ZAR1: variants seen among roughly 807,000 people sequenced by gnomAD.
ZAR1 encodes the protein zygote arrest protein 1.
In ZAR1, 37 loss-of-function variants were observed where a neutral mutation model predicts 38.3. The ratio of observed to expected loss-of-function variants is 0.97; its 90% CI spans 0.74 to 1.27. The LOEUF (loss-of-function observed/expected upper bound fraction) is 1.27. Ranked by LOEUF, ZAR1 falls within the 50% of genes most tolerant of loss-of-function variation. The pLI, the probability that ZAR1 is intolerant of heterozygous loss-of-function variation, is 0.00. For synonymous variants in ZAR1, 336 were observed against 292.0 expected, an observed-to-expected ratio of 1.15 and a Z score of -1.53; for missense variants, 651 against 632.4, an observed-to-expected ratio of 1.03 and a Z score of -0.32.
In ZAR1 at chr4:48,491,184, A is replaced by T; in HGVS notation, c.893A>T (p.Glu298Val). 8.1e-7 allele frequency: 1 copy of T among 1,234,388 alleles called. No individual in the cohort carries two copies. The highest frequency in any genetic ancestry group is 1.0e-6 in the Non-Finnish European group (1 of 989,696). 76.5% of individuals were successfully genotyped at this position (1,234,388 alleles called of 1,614,324 possible). ...GRARDGGDGREAAVAGEGPSP... is the reference protein window; with the variant it reads ...GRARDGGDGRVAAVAGEGPSP... Reference sequence around the variant, plus strand: ...GCCCGAGACGGCGGCGACGGACGGGAGGCGGCCGTCGCGGGAGAGGGGCCG... The same window carrying T: ...GCCCGAGACGGCGGCGACGGACGGGTGGCGGCCGTCGCGGGAGAGGGGCCG... Residue 298 changes from glutamate (E) to valine (V), a missense_variant, in exon 1 of 4, where the codon GAG (glutamate) becomes GTG (valine). Around this residue, in one of 2 missense-constraint regions of ZAR1, gnomAD observed 129 missense variants for 172.5 expected, o/e 0.75. Coordinates refer to ENST00000327939, the MANE Select transcript of ZAR1 (RefSeq NM_175619.3).
At position 48,490,375 on chromosome 4, in the gene ZAR1, G is replaced by A. The variant is rs939433292; in HGVS notation, c.84G>A (p.Ala28=). ...GCTCGTACCGGTACCCATACCCCGC[G>A]GCCACCAAGGGCAAGGGCGCGGCGG... The part of the protein sequence containing the change: ...PPCSYRYPYP[A]ATKGKGAAGG... Residue 28 remains alanine (A), a synonymous_variant, in exon 1 of 4, where the codon GCG becomes GCA. Transcript: ENST00000327939. The A allele has an allele frequency of 6.0e-6, 9 of 1,503,582 alleles. No individual in the cohort carries two copies. In the Admixed American group the frequency reaches 6.4e-5, roughly 11 times the overall value. The allele number at this position is 1,503,582 out of a possible 1,614,324, so 93.1% of individuals were successfully genotyped here.
rs563410624 is a variant in ZAR1 at position 48,490,566 on chromosome 4, C to T, written c.275C>T (p.Pro92Leu). The change falls in exon 1 of 4, where the codon CCG becomes CTG. Residue 92 changes from proline (P) to leucine (L), a missense_variant. By Grantham distance (98) the Pro-to-Leu change is moderately conservative. Transcript: ENST00000327939. Reference protein sequence around the residue: ...RLMALLAQVGPGLGPRARRAG... With the variant: ...RLMALLAQVGLGLGPRARRAG... ...ATGGCTCTCCTGGCGCAGGTGGGGC[C>T]GGGTCTCGGGCCGCGCGCCCGCAGG... is the stretch of plus-strand genomic sequence containing the variant. 5 of 1,421,688 alleles carry T rather than the reference C, an allele frequency of 3.5e-6. No individual in the cohort carries two copies. Among genetic ancestry groups the T allele is most frequent in the African/African-American group, 1.5e-5 (1 of 66,558 alleles). 88.1% of individuals were successfully genotyped at this position (1,421,688 alleles called of 1,614,324 possible).
rs1560482021 is a variant in ZAR1, at chr4:48,490,505, G to C, written c.214G>C (p.Ala72Pro). The change falls in exon 1 of 4, where the codon GCC becomes CCC. Residue 72 changes from alanine to proline, a missense_variant. Transcript: ENST00000327939. ...SFPGCGRLTA[A>P]EYFDSYQRER... ...CCCGGGCTGCGGGCGGCTGACGGCC[G>C]CCGAGTACTTCGACAGCTACCAGCG... The C allele has an allele frequency of 6.8e-7, 1 of 1,472,350 alleles. No individual in the cohort carries two copies. The highest frequency in any genetic ancestry group is 8.9e-7 in the Non-Finnish European group (1 of 1,120,752). 91.2% of individuals were successfully genotyped at this position (1,472,350 alleles called of 1,614,324 possible). A position where few individuals can be genotyped will look rare whatever the true frequency, so the allele number is the denominator to read the frequency against.
At position 48,493,030 on chromosome 4, in the gene ZAR1, C is replaced by T. The variant is rs761462675; in HGVS notation, c.1131+18C>T. The T allele has an allele frequency of 3.1e-6, 5 of 1,613,222 alleles. No homozygotes were observed. The highest frequency in any genetic ancestry group is 4.2e-6 in the Non-Finnish European group (5 of 1,179,200). On this transcript the variant is annotated intron_variant, in intron 3 of 3. Transcript: ENST00000327939. ...CCTGTCAAGTAAATCAGATGTTTTG[C>T]ATTTTGTCTGACCTGGGCAGTCGTC...
At position 48,490,477 on chromosome 4, in the gene ZAR1, C is replaced by A. The variant is rs774627867; in HGVS notation, c.186C>A (p.Ser62=). 2 of 1,468,972 alleles carry A rather than the reference C, an allele frequency of 1.4e-6. No homozygotes were observed. Among genetic ancestry groups the A allele is most frequent in the Non-Finnish European group, 8.9e-7 (1 of 1,119,676 alleles). The allele number at this position is 1,468,972 out of a possible 1,614,324, so 91.0% of individuals were successfully genotyped here. A position where few individuals can be genotyped will look rare whatever the true frequency, so the allele number is the denominator to read the frequency against. The change falls in exon 1 of 4, where the codon TCC becomes TCA. Residue 62 remains serine, a synonymous_variant. Coordinates refer to ENST00000327939, the MANE Select transcript of ZAR1 (RefSeq NM_175619.3). ...SPCSAGAASL[S]FPGCGRLTAA... ...GCTCGGCGGGCGCGGCCTCGTTGTCCTTCCCGGGCTGCGGGCGGCTGACGG... is the reference window on the plus strand; with the variant it reads ...GCTCGGCGGGCGCGGCCTCGTTGTCATTCCCGGGCTGCGGGCGGCTGACGG...
At position 48,490,563 on chromosome 4, in the gene ZAR1, G is replaced by A. The variant is rs1718396721; in HGVS notation, c.272G>A (p.Gly91Glu). 13 of 1,427,344 alleles carry A rather than the reference G, an allele frequency of 9.1e-6. No individual in the cohort carries two copies. Among genetic ancestry groups the A allele is most frequent in the Admixed American group, 3.2e-5 (1 of 31,616 alleles). 88.4% of individuals were successfully genotyped at this position (1,427,344 alleles called of 1,614,324 possible). A position where few individuals can be genotyped will look rare whatever the true frequency, so the allele number is the denominator to read the frequency against. ...ERLMALLAQV[G>E]PGLGPRARRA... ...CTCATGGCTCTCCTGGCGCAGGTGG[G>A]GCCGGGTCTCGGGCCGCGCGCCCGC... is the stretch of plus-strand genomic sequence containing the variant. Residue 91 changes from glycine to glutamate, a missense_variant, in exon 1 of 4, where the codon GGG becomes GAG. This residue lies in a region of ZAR1 where 522 missense variants were observed against 459.9 expected (regional missense o/e 1.14). Coordinates refer to ENST00000327939, the MANE Select transcript of ZAR1 (RefSeq NM_175619.3).
rs1718519978 is a variant in ZAR1, at chr4:48,494,110, C to T, written c.1141C>T (p.Gln381Ter). ...TATTTTTTTCCCCCAGAGTTGTAAACAAACGAGATGTTCCTGCCCAGTAAA... is the reference window on the plus strand; with the variant it reads ...TATTTTTTTCCCCCAGAGTTGTAAATAAACGAGATGTTCCTGCCCAGTAAA... ...VEDITCQSCKQTRCSCPVKLR... is the reference protein window; with the variant it reads ...VEDITCQSCK The change falls in exon 4 of 4, where the codon CAA (glutamine) becomes TAA (stop). Residue 381 changes from glutamine to a stop codon, truncating the protein, a stop_gained. Coordinates refer to ENST00000327939, the MANE Select transcript of ZAR1 (RefSeq NM_175619.3). LOFTEE classifies it high-confidence loss of function. The T allele has an allele frequency of 6.2e-7, 1 of 1,613,042 alleles. No homozygotes were observed. Among genetic ancestry groups the T allele is most frequent in the Admixed American group, 1.7e-5 (1 of 59,914 alleles).
chr4:48,494,842 A>G (rs1577775159), downstream of ZAR1, among the ~76,000 whole-genome samples: 6 of 152,266 alleles, frequency 3.9e-5, 1 homozygote, highest in African/African-American at 1.4e-4. Flanking sequence ...TTTAGTGTCC[A>G]GGTGACCTTA....
In ZAR1 at chr4:48,492,866, A is replaced by T; in HGVS notation, c.1056+8A>T. ...GTACAGGGAACTAACAAGGTAAGAA[A>T]TACCAGGTAACTGGCATCTTCTTGC... On this transcript the variant is annotated splice_region_variant and intron_variant, in intron 2 of 3. Transcript: ENST00000327939. 6.2e-7 allele frequency: 1 copy of T among 1,614,130 alleles called. No homozygotes were observed. Among genetic ancestry groups the T allele is most frequent in the Non-Finnish European group, 8.5e-7 (1 of 1,179,964 alleles).
At chr4:48,491,365 G>A in intron 1 of ZAR1, 111 bp downstream of exon 1, 3 of 858,000 alleles carry the variant, frequency 3.5e-6, no homozygotes, top group Non-Finnish European at 4.6e-6. Flanking sequence ...TTCCCTAAGC[G>A]TGGGCTACTT....
At chr4:48,497,414 TAAAC>T (rs1409285565), downstream of ZAR1, 1 of 152,554 alleles carries the variant, frequency 6.6e-6, no homozygotes, top group African/African-American at 2.4e-5. Context: ...TACATATAAA[TAAAC>T]ACAAAAAGCA....
At chr4:48,492,500 A>G (rs912119572) in intron 1 of ZAR1, among the ~76,000 whole-genome samples, 1 of 152,186 alleles carries the variant, frequency 6.6e-6, no homozygotes, top group African/African-American at 2.4e-5. Context: ...ACTGTTTATT[A>G]TGTCCCTACT....
In ZAR1 at chr4:48,490,408, C is replaced by T; in HGVS notation, c.117C>T (p.Ser39=). ...AGGGCAAGGGCGCGGCGGGCGGCAG[C>T]TGGCAGCAGCGCGGCAGGGGCTGCC... ...ATKGKGAAGG[S]WQQRGRGCLP... Residue 39 remains serine (S), a synonymous_variant, in exon 1 of 4, where the codon AGC becomes AGT. Transcript: ENST00000327939. 6.7e-7 allele frequency: 1 copy of T among 1,490,676 alleles called. No individual in the cohort carries two copies. The highest frequency in any genetic ancestry group is 8.9e-7 in the Non-Finnish European group (1 of 1,124,266). 92.3% of individuals were successfully genotyped at this position (1,490,676 alleles called of 1,614,324 possible). A position where few individuals can be genotyped will look rare whatever the true frequency, so the allele number is the denominator to read the frequency against.
intron 3 of ZAR1, 43 bp downstream of exon 3, chr4:48,493,055 C>T (rs1204621613): frequency 2.5e-6 from 4 of 1,592,696 alleles, no homozygotes; most frequent in Non-Finnish European, 1.7e-6. Flanking sequence ...GGGCAGTCGT[C>T]GAGGGTTTTT....
chr4:48,490,508 G>A lies in ZAR1; in HGVS notation c.217G>A (p.Glu73Lys), dbSNP rs1718394881. 4.1e-6 allele frequency: 6 copies of A among 1,473,632 alleles called. No individual in the cohort carries two copies. The highest frequency in any genetic ancestry group is 5.4e-6 in the Non-Finnish European group (6 of 1,121,490). The allele number at this position is 1,473,632 out of a possible 1,614,324, so 91.3% of individuals were successfully genotyped here. ...FPGCGRLTAAEYFDSYQRERL... is the reference protein window; with the variant it reads ...FPGCGRLTAAKYFDSYQRERL... ...GGGCTGCGGGCGGCTGACGGCCGCC[G>A]AGTACTTCGACAGCTACCAGCGGGA... Residue 73 changes from glutamate to lysine, a missense_variant, in exon 1 of 4, where the codon GAG becomes AAG. This residue lies in a region of ZAR1 where 522 missense variants were observed against 459.9 expected (regional missense o/e 1.14). Coordinates refer to ENST00000327939, the MANE Select transcript of ZAR1 (RefSeq NM_175619.3).
Position 48,490,692 on chromosome 4 carries a change from C to T in ZAR1, c.401C>T (p.Pro134Leu). ...RRTLQRRARD[P>L]ESPAGPGAEG... ...ACGCTGCAGCGCCGGGCCCGCGACC[C>T]CGAGTCCCCGGCCGGCCCCGGGGCC... Residue 134 changes from proline (P) to leucine (L), a missense_variant, in exon 1 of 4, where the codon CCC becomes CTC. Transcript: ENST00000327939. 1 of 1,316,692 alleles carries T rather than the reference C, an allele frequency of 7.6e-7. No individual in the cohort carries two copies. The highest frequency in any genetic ancestry group is 9.6e-7 in the Non-Finnish European group (1 of 1,037,878). The allele number at this position is 1,316,692 out of a possible 1,614,324, so 81.6% of individuals were successfully genotyped here. A position where few individuals can be genotyped will look rare whatever the true frequency, so the allele number is the denominator to read the frequency against.
chr4:48,494,015 C>A (rs1718515927), intron 3 of ZAR1, 86 bp from the exon 4 acceptor site: 2 of 1,498,950 alleles, frequency 1.3e-6, no homozygotes, highest in South Asian at 2.5e-5. Flanking sequence ...TCATTAAGTA[C>A]TTGAATGGAC....
At chr4:48,495,209 G>A (rs1357789882), downstream of ZAR1, among the ~76,000 whole-genome samples, 1 of 152,152 alleles carries the variant, frequency 6.6e-6, no homozygotes, top group Non-Finnish European at 1.5e-5. Flanking sequence ...TTGAGGATGG[G>A]ACTGAGTTTA....
chr4:48,496,653 C>G (rs10018344), downstream of ZAR1, among the ~76,000 whole-genome samples: 77,114 of 151,520 alleles, frequency 0.51, 19,979 homozygotes, highest in South Asian at 0.6. Context: ...AAAGGCACTG[C>G]CAAACTCTAT....
Sources: allele counts gnomAD v4.1 joint callset (sites outside exome capture counted in the v4.1 genomes callset), GRCh38; gene constraint gnomAD v4.1.1; regional missense constraint gnomAD v4.1.1; transcripts MANE v1.5; gene names NCBI Gene and HGNC (gene_info 2026-07-23, HGNC 2026-07-21).